The following KDM4B variants were observed in gnomAD, a reference collection of about 807,000 sequenced individuals.
KDM4B encodes lysine demethylase 4B.
In KDM4B, 32 loss-of-function variants were observed where a neutral mutation model predicts 125.2. The observed-to-expected ratio is 0.26, with a 90% confidence interval of 0.19 to 0.34. The LOEUF (loss-of-function observed/expected upper bound fraction) is 0.34, where lower values mean the gene tolerates loss of function less well. KDM4B is among the 10% of genes least tolerant of loss of function. The pLI is 1.00. For synonymous variants in KDM4B, 721 were observed against 677.9 expected (o/e 1.06, Z -0.99); for missense variants, 1,190 against 1,577.7 (o/e 0.75, Z 4.16).
At chr19:5,056,880 ACGC>A (rs1277258076) in intron 6 of KDM4B, among the ~76,000 whole-genome samples, 8 of 122,804 alleles carry the variant, frequency 6.5e-5, no homozygotes, top group South Asian at 6.2e-4. Context: ...TGGGGCGGGG[ACGC>A]TGGGGCGGGG....
At chr19:5,139,611 G>A (rs942340959) in intron 18 of KDM4B, among the ~76,000 whole-genome samples, 3 of 152,202 alleles carry the variant, frequency 2.0e-5, no homozygotes, top group African/African-American at 4.8e-5. Context: ...TGTAGCAGCC[G>A]CCCTAGCAGG....
intron 5 of KDM4B, among the ~76,000 whole-genome samples, chr19:5,043,588 TG>T (rs1292501546): frequency 2.8e-5 from 4 of 142,886 alleles, no homozygotes; most frequent in African/African-American, 8.2e-5. Flanking sequence ...TTTATCAGAG[TG>T]GGGGTGTCCA....
At position 5,131,214 on chromosome 19, in the gene KDM4B, T is replaced by C. The variant is rs370147765; in HGVS notation, c.1454T>C (p.Leu485Pro). ...GAGGCGCTGTGGCTGCCATCCCCAC[T>C]GGAGCCCCCGGTGCTGGGCCCAGGC... ...SEEALWLPSPLEPPVLGPGPA... is the reference protein window; with the variant it reads ...SEEALWLPSPPEPPVLGPGPA... Residue 485 changes from leucine (L) to proline (P), a missense_variant, in exon 12 of 23, where the codon CTG (leucine) becomes CCG (proline). By Grantham distance (98) the Leu-to-Pro change is moderately conservative (BLOSUM62 -3). Around this residue, in one of 7 missense-constraint regions of KDM4B, gnomAD observed 428 missense variants for 405.1 expected, o/e 1.06. Transcript: ENST00000159111. 1.6e-5 allele frequency: 26 copies of C among 1,605,626 alleles called. No homozygotes were observed. In the South Asian group the frequency reaches 2.5e-4, roughly 16 times the overall value.
At chr19:5,109,690 A>G (rs1017821) in intron 9 of KDM4B, among the ~76,000 whole-genome samples, 109,026 of 152,052 alleles carry the variant, frequency 0.72, 39,245 homozygotes, top group East Asian at 0.95. Context: ...GACCCTCAGC[A>G]TCTTCTTCGT....
intron 15 of KDM4B, among the ~76,000 whole-genome samples, 163 bp from the exon 16 acceptor site, chr19:5,137,099 G>C (rs2039661116): frequency 6.6e-6 from 1 of 152,200 alleles, no homozygotes; most frequent in African/African-American, 2.4e-5. Context: ...CTCAGAGGGT[G>C]GGAACAGCAC....
At chr19:5,055,139 T>C (rs1245437488) in intron 6 of KDM4B, among the ~76,000 whole-genome samples, 1 of 152,214 alleles carries the variant, frequency 6.6e-6, no homozygotes, top group African/African-American at 2.4e-5. Context: ...TGCGGCCCGA[T>C]TGTGCCCCCA....
intron 9 of KDM4B, among the ~76,000 whole-genome samples, chr19:5,089,390 G>A (rs953767736): frequency 1.3e-5 from 2 of 152,192 alleles, no homozygotes; most frequent in African/African-American, 4.8e-5. Context: ...CCCGTTTGTT[G>A]TAGTGGAAAG....
chr19:5,092,109 G>A (rs1411145802), intron 9 of KDM4B, among the ~76,000 whole-genome samples: 2 of 152,202 alleles, frequency 1.3e-5, no homozygotes, highest in Non-Finnish European at 2.9e-5. Flanking sequence ...TGGGTCCCAT[G>A]CTGGCTCTTG....
intron 20 of KDM4B, among the ~76,000 whole-genome samples, 182 bp downstream of exon 20, chr19:5,144,594 G>A (rs190297065): frequency 2.8e-4 from 42 of 152,268 alleles, no homozygotes; most frequent in Admixed American, 1.8e-3. Flanking sequence ...GAAAAGCACC[G>A]CTCACTGTTC....
chr19:5,091,644 G>A (rs1405130203), intron 9 of KDM4B, among the ~76,000 whole-genome samples: 1 of 152,120 alleles, frequency 6.6e-6, no homozygotes, highest in East Asian at 1.9e-4. Context: ...CTGCTGCCTG[G>A]GAGAACTGTG....
Position 4,997,432 on chromosome 19 carries a change from C to T in KDM4B, c.-108-18825C>T, listed in dbSNP as rs976419730. On this transcript the variant is annotated intron_variant, in intron 1 of 22. Transcript: ENST00000159111. The surrounding 1 kb of genome is among the most constrained non-coding windows in gnomAD (Gnocchi z 4.2). ...ATGAGGACCTGCCATCTGGGGGCGG[C>T]GAGGTGGGCTGGGCTTTGTGTTTCC... Among the ~76,000 whole-genome samples, 2 of 152,080 alleles carry T rather than the reference C, an allele frequency of 1.3e-5. No homozygotes were observed. The highest frequency in any genetic ancestry group is 1.9e-4 in the East Asian group (1 of 5,180).
chr19:5,143,068 G>A (rs535200879), intron 18 of KDM4B, among the ~76,000 whole-genome samples: 4 of 152,242 alleles, frequency 2.6e-5, no homozygotes, highest in African/African-American at 4.8e-5. Context: ...GCTCACGCCT[G>A]TAATCCCAGC....
Position 5,144,041 on chromosome 19 carries a change from C to A in KDM4B, c.2625C>A (p.Ser875=). ...ACIQCSYEHC[S]TSFHVTCAHA... ...TCCAGTGCTCCTACGAGCACTGCTC[C>A]ACGTCCTTCCACGTGACCTGCGCCC... The change falls in exon 19 of 23, where the codon TCC becomes TCA. Residue 875 remains serine, a synonymous_variant. Transcript: ENST00000159111. 1 of 1,605,640 alleles carries A rather than the reference C, an allele frequency of 6.2e-7. No individual in the cohort carries two copies. The highest frequency in any genetic ancestry group is 8.5e-7 in the Non-Finnish European group (1 of 1,173,708).
chr19:4,977,291 A>T (rs2145302579), intron 1 of KDM4B, among the ~76,000 whole-genome samples: 1 of 152,300 alleles, frequency 6.6e-6, no homozygotes, highest in Admixed American at 6.5e-5. Flanking sequence ...GAGAATCCCG[A>T]GGCCGACTGC....
chr19:4,983,552 GGGCCAAGGGGTCCTGGC>G (rs1344921686), intron 1 of KDM4B, among the ~76,000 whole-genome samples: 3 of 152,220 alleles, frequency 2.0e-5, no homozygotes, highest in African/African-American at 7.2e-5. Context: ...CTGGTCCTGG[GGGCCAAGGGGTCCTGGC>G]GGCCCAGCCT....
intron 6 of KDM4B, among the ~76,000 whole-genome samples, chr19:5,057,049 TGTGTGTGTGTGTGTGTGC>T (rs1277148078): frequency 2.8e-5 from 4 of 141,842 alleles, no homozygotes; most frequent in African/African-American, 1.1e-4. Context: ...TGTGTGTGTG[TGTGTGTGTGTGTGTGTGC>T]GCGCGCGCGC....
At position 5,065,044 on chromosome 19, in the gene KDM4B, C is replaced by T. The variant is rs962328047; in HGVS notation, c.627-5966C>T. Among the ~76,000 whole-genome samples the T allele has an allele frequency of 1.4e-4, 22 of 152,318 alleles. 1 individual carries two copies. Among genetic ancestry groups the T allele is most frequent in the Middle Eastern group, 3.4e-3 (1 of 294 alleles). On this transcript the variant is annotated intron_variant, in intron 6 of 22. Transcript: ENST00000159111. ...GAGGTCAGGTGCGGTGTGCTTTGGC[C>T]GTGGCAGGCGGGGTCCCTGGGGGTG...
At chr19:4,995,915 C>T (rs11880464) in intron 1 of KDM4B, among the ~76,000 whole-genome samples, 30,514 of 152,216 alleles carry the variant, frequency 0.2, 3,371 homozygotes, top group Middle Eastern at 0.36. Context: ...CTCAGTGGCT[C>T]TGCAGTCCTT....
At chr19:5,000,919 C>T (rs1229183294) in intron 1 of KDM4B, among the ~76,000 whole-genome samples, 2 of 152,170 alleles carry the variant, frequency 1.3e-5, no homozygotes, top group Non-Finnish European at 2.9e-5. Context: ...GTGTCATCAA[C>T]CCCCTTTCTC....
Sources: allele counts gnomAD v4.1 joint callset (sites outside exome capture counted in the v4.1 genomes callset), GRCh38; gene constraint gnomAD v4.1.1; regional missense constraint gnomAD v4.1.1; non-coding constraint Gnocchi (gnomAD v3.1); transcripts MANE v1.5; gene names NCBI Gene and HGNC (gene_info 2026-07-23, HGNC 2026-07-21).